The following CALN1 variants were observed in gnomAD, a reference collection of about 807,000 sequenced individuals.
The protein encoded by CALN1 is calcium-binding protein 8.
A neutral mutation model predicts 30.6 loss-of-function variants in CALN1; 17 were observed. The ratio of observed to expected loss-of-function variants is 0.56; its 90% CI spans 0.38 to 0.83. The LOEUF (loss-of-function observed/expected upper bound fraction) is 0.83. CALN1 is among the 40% of genes least tolerant of loss of function. The probability of loss-of-function intolerance (pLI) is 0.00; values close to 1 mark genes in which losing one functional copy is unlikely to be tolerated. For missense variants in CALN1, 291 were observed against 354.9 expected (o/e 0.82, Z 1.45); for synonymous variants, 156 against 131.4 (o/e 1.19, Z -1.28).
At chr7:72,459,095 G>A in the CALN1 span, among the ~76,000 whole-genome samples, 1 of 136,052 alleles carries the variant, frequency 7.4e-6, no homozygotes, top group African/African-American at 2.8e-5. Context: ...TATGAGACGG[G>A]GTTTCACCAT....
At chr7:72,408,462 A>G (rs1263492344) in intron 1 of CALN1, among the ~76,000 whole-genome samples, 2 of 151,792 alleles carry the variant, frequency 1.3e-5, no homozygotes, top group Non-Finnish European at 2.9e-5. Context: ...ACACACACAC[A>G]GAGATAATAA....
chr7:72,418,404 T>C (rs1807494094), intron 1 of CALN1, among the ~76,000 whole-genome samples: 1 of 152,230 alleles, frequency 6.6e-6, no homozygotes, highest in Admixed American at 6.5e-5. Flanking sequence ...TCTTTGCTCT[T>C]GTGAATAATG....
At chr7:72,340,274 T>C (rs1280459899) in intron 2 of CALN1, among the ~76,000 whole-genome samples, 1 of 152,194 alleles carries the variant, frequency 6.6e-6, no homozygotes, top group Non-Finnish European at 1.5e-5. Flanking sequence ...GATCTCCCTA[T>C]GTTGCCCAGG....
At position 72,344,895 on chromosome 7, in the gene CALN1, TTA is replaced by T. The variant is rs957795122; in HGVS notation, c.119+58354_119+58355del. ...ACATAAATATATAAATAGCATATAT[TTA>T]TATCATATATAAATGTATATGTGAA... is the stretch of plus-strand genomic sequence containing the variant. On this transcript the variant is annotated intron_variant, in intron 2 of 6. Coordinates refer to ENST00000395275, the MANE Select transcript of CALN1 (RefSeq NM_031468.4). Among the ~76,000 whole-genome samples the T allele has an allele frequency of 1.9e-4, 28 of 147,594 alleles. 1 individual carries two copies. The East Asian group carries it at 4.7e-3, about 25-fold the overall frequency.
chr7:72,225,058 C>T (rs1387815319), intron 3 of CALN1, among the ~76,000 whole-genome samples: 4 of 151,554 alleles, frequency 2.6e-5, no homozygotes, highest in Admixed American at 6.6e-5. Flanking sequence ...GCAGAGATCA[C>T]GCCACTGCAC....
intron 1 of CALN1, among the ~76,000 whole-genome samples, chr7:72,426,812 G>A (rs1288853864): frequency 6.6e-6 from 1 of 152,108 alleles, no homozygotes; most frequent in Non-Finnish European, 1.5e-5. Flanking sequence ...ACCAGCTATG[G>A]CTTGCATTGA....
At chr7:72,102,418 C>A (rs1291636840) in intron 4 of CALN1, among the ~76,000 whole-genome samples, 1 of 152,092 alleles carries the variant, frequency 6.6e-6, no homozygotes, top group African/African-American at 2.4e-5. Context: ...GCACTGCAGC[C>A]TGGGCGTAAG....
chr7:72,435,296 C>T (rs548528836), intron 1 of CALN1, among the ~76,000 whole-genome samples: 4 of 149,668 alleles, frequency 2.7e-5, no homozygotes, highest in Middle Eastern at 3.4e-3. Context: ...GGAAGGGGAA[C>T]GAGAAGGGGG....
Position 71,978,255 on chromosome 7 carries a change from G to C in CALN1, c.501+45402C>G, listed in dbSNP as rs187682500. On this transcript the variant is annotated intron_variant, in intron 5 of 6. Transcript: ENST00000395275. Reference sequence around the variant, plus strand: ...GTATTGCAAAAACTCAGGGACTCTAGAGAATTCTTTTTTTTTTTTTTTTTT... The same window carrying C: ...GTATTGCAAAAACTCAGGGACTCTACAGAATTCTTTTTTTTTTTTTTTTTT... Among the ~76,000 whole-genome samples, 609 of 124,054 alleles carry C rather than the reference G, an allele frequency of 4.9e-3. 8 individuals carry two copies. The highest frequency in any genetic ancestry group is 0.018 in the African/African-American group (563 of 30,750). The allele number at this position is 124,054 out of a possible 152,430, so 81.4% of individuals were successfully genotyped here.
intron 3 of CALN1, among the ~76,000 whole-genome samples, chr7:72,223,310 C>T (rs1394065618): frequency 6.6e-6 from 1 of 152,140 alleles, no homozygotes; most frequent in Non-Finnish European, 1.5e-5. Context: ...GAAGGAATGA[C>T]TTCCAAGTCA....
intron 3 of CALN1, among the ~76,000 whole-genome samples, chr7:72,127,426 G>A (rs771365692): frequency 3.4e-4 from 52 of 152,134 alleles, no homozygotes; most frequent in Non-Finnish European, 1.5e-4. Context: ...TGGGAGCTCT[G>A]GCAGGTTACA....
chr7:72,305,724 C>CA (rs1007762688), intron 2 of CALN1, among the ~76,000 whole-genome samples: 73 of 152,300 alleles, frequency 4.8e-4, no homozygotes, highest in African/African-American at 1.7e-3. Flanking sequence ...GTTACCGTAA[C>CA]AAAAGACTAC....
rs572730495 is a variant in CALN1 at position 71,959,614 on chromosome 7, C to T, written c.501+64043G>A. Among the ~76,000 whole-genome samples, 11 of 140,976 alleles carry T rather than the reference C, an allele frequency of 7.8e-5. No individual in the cohort carries two copies. In the East Asian group the frequency reaches 2.0e-3, roughly 25 times the overall value. 92.5% of individuals were successfully genotyped at this position (140,976 alleles called of 152,430 possible). A position where few individuals can be genotyped will look rare whatever the true frequency, so the allele number is the denominator to read the frequency against. On this transcript the variant is annotated intron_variant, in intron 5 of 6. Coordinates refer to ENST00000395275, the MANE Select transcript of CALN1 (RefSeq NM_031468.4). ...TATTCCAGGGTTTTGACTTTTTTAC[C>T]TTTCCAGCTTTTTTTTTTTTTTAAG...
At chr7:72,058,431 C>A (rs1408706970) in intron 4 of CALN1, among the ~76,000 whole-genome samples, 1 of 149,244 alleles carries the variant, frequency 6.7e-6, no homozygotes, top group Non-Finnish European at 1.5e-5. Context: ...GATTCTCCTG[C>A]CTCAGCCTCC....
chr7:71,928,920 A>G (rs991647967), intron 5 of CALN1, among the ~76,000 whole-genome samples: 4 of 146,234 alleles, frequency 2.7e-5, no homozygotes, highest in Non-Finnish European at 4.5e-5. Flanking sequence ...CCTACCCCCC[A>G]CCCCCAAACC....
intron 3 of CALN1, among the ~76,000 whole-genome samples, chr7:72,156,087 T>A (rs1235703088): frequency 6.6e-6 from 1 of 152,090 alleles, no homozygotes; most frequent in Non-Finnish European, 1.5e-5. Context: ...GACATGAACA[T>A]CTTTGCAGGG....
intron 5 of CALN1, among the ~76,000 whole-genome samples, chr7:71,906,681 T>C (rs1469615624): frequency 6.6e-6 from 1 of 152,162 alleles, no homozygotes; most frequent in East Asian, 1.9e-4. Context: ...AACCAGATTT[T>C]AAAAACCAAG....
chr7:72,188,948 G>C (rs1790406306), intron 3 of CALN1, among the ~76,000 whole-genome samples: 1 of 152,056 alleles, frequency 6.6e-6, no homozygotes, highest in South Asian at 2.1e-4. Flanking sequence ...CCCCATCTTG[G>C]TCTAAGAGGG....
chr7:72,296,156 G>C (rs1267356896), intron 2 of CALN1, among the ~76,000 whole-genome samples: 1 of 151,598 alleles, frequency 6.6e-6, no homozygotes, highest in African/African-American at 2.4e-5. Flanking sequence ...TTTATATGCT[G>C]GATTACATTT....
Sources: allele counts gnomAD v4.1 joint callset (sites outside exome capture counted in the v4.1 genomes callset), GRCh38; gene constraint gnomAD v4.1.1; transcripts MANE v1.5; gene names NCBI Gene and HGNC (gene_info 2026-07-23, HGNC 2026-07-21).